OXNAD1: variants seen among roughly 807,000 people sequenced by gnomAD.
OXNAD1 encodes the protein oxidoreductase NAD-binding domain-containing protein 1.
Under a neutral mutation model 32.9 loss-of-function variants are expected in OXNAD1, and 34 were observed. The ratio of observed to expected loss-of-function variants is 1.03; its 90% CI spans 0.79 to 1.38. OXNAD1 has a LOEUF of 1.38. OXNAD1 is among the 40% of genes most tolerant of loss of function. The pLI, the probability that OXNAD1 is intolerant of heterozygous loss-of-function variation, is 0.00. For synonymous variants in OXNAD1, 134 were observed against 135.2 expected (o/e 0.99, Z 0.06); for missense variants, 407 against 379.4 (o/e 1.07, Z -0.60).
rs757392831 is a variant in OXNAD1 at position 16,327,778 on chromosome 3, C to T, written c.*31-9334C>T. ...TCCCATCTCAAAAAAAAAAACAAAA[C>T]GAAAAAAACTTCAGCCCCCTGCTAG... On this transcript the variant is annotated intron_variant, in intron 9 of 9. Coordinates refer to the OXNAD1 transcript ENST00000435829. The surrounding 1 kb of genome is among the most constrained non-coding windows in gnomAD (Gnocchi z 4.2). Among the ~76,000 whole-genome samples the T allele has an allele frequency of 3.3e-5, 5 of 151,398 alleles. No individual in the cohort carries two copies. In the South Asian group the frequency reaches 6.3e-4, roughly 19 times the overall value.
Position 16,316,538 on chromosome 3 carries a change from T to C in OXNAD1, c.*30+12946T>C. 2.2e-6 allele frequency: 1 copy of C among 454,686 alleles called. No individual in the cohort carries two copies. Among genetic ancestry groups the C allele is most frequent in the Non-Finnish European group, 4.0e-6 (1 of 250,322 alleles). 28.2% of individuals were successfully genotyped at this position (454,686 alleles called of 1,614,324 possible). On this transcript the variant is annotated intron_variant, in intron 9 of 9. Transcript: ENST00000435829. This position sits in a 1 kb window ranked among gnomAD's most constrained non-coding sequence, Gnocchi z 4.5. ...CACTGGATGGTCCAGACCCTCTGGC[T>C]GGAGGAGTGGTGGAGCCAGGACTGG...
chr3:16,319,252 G>A (rs1027712304), intron 9 of OXNAD1, among the ~76,000 whole-genome samples: 2 of 152,202 alleles, frequency 1.3e-5, no homozygotes, highest in African/African-American at 4.8e-5. Context: ...CCGAGAGGCA[G>A]TTGGCTCTCA....
At chr3:16,267,121 C>CT (rs999496879) in intron 1 of OXNAD1, among the ~76,000 whole-genome samples, 2 of 152,236 alleles carry the variant, frequency 1.3e-5, no homozygotes, top group African/African-American at 4.8e-5. Flanking sequence ...TGGCTTTTCT[C>CT]TGTCAGTGTC....
At chr3:16,341,340 A>G (rs764579467), downstream of OXNAD1, among the ~76,000 whole-genome samples, 17 of 152,252 alleles carry the variant, frequency 1.1e-4, no homozygotes, top group African/African-American at 2.2e-4. This position sits in a 1 kb window ranked among gnomAD's most constrained non-coding sequence, Gnocchi z 4.7. Flanking sequence ...TTGTCCACAC[A>G]GAAACCTACA....
downstream of OXNAD1, among the ~76,000 whole-genome samples, chr3:16,337,753 A>G (rs909334276): frequency 7.9e-5 from 12 of 151,922 alleles, no homozygotes; most frequent in East Asian, 1.9e-4. The surrounding 1 kb of genome is among the most constrained non-coding windows in gnomAD (Gnocchi z 5.0). Flanking sequence ...AAAAAAAAAA[A>G]AAAAGAAAAG....
Position 16,269,247 on chromosome 3 carries a change from T to G in OXNAD1, c.-37T>G. 6.5e-7 allele frequency: 1 copy of G among 1,535,532 alleles called. No homozygotes were observed. The highest frequency in any genetic ancestry group is 8.7e-7 in the Non-Finnish European group (1 of 1,146,806). ...GTCAATCAGCTGACCATATACTTAA[T>G]GACTCCTAAAATCTCGTGGACTTCT... On this transcript the variant is annotated 5_prime_UTR_variant, in exon 2 of 9. An upstream start codon of the reference 5' UTR is lost. Coordinates refer to ENST00000285083, the MANE Select transcript of OXNAD1 (RefSeq NM_138381.5).
At position 16,270,985 on chromosome 3, in the gene OXNAD1, G is replaced by A. The variant is rs1466170487; in HGVS notation, c.33G>A (p.Leu11=). The A allele has an allele frequency of 2.5e-6, 4 of 1,614,208 alleles. No individual in the cohort carries two copies. The highest frequency in any genetic ancestry group is 3.4e-6 in the Non-Finnish European group (4 of 1,180,020). The part of the protein sequence containing the change: MACAAVMIPG[L]LRCSVGAIRI... ...GTGCTGCTGTTATGATTCCTGGGTT[G>A]TTGCGGTGCTCTGTTGGAGCCATCC... The change falls in exon 3 of 9, where the codon TTG becomes TTA. Residue 11 remains leucine (L), a synonymous_variant. Transcript: ENST00000285083.
At position 16,287,793 on chromosome 3, in the gene OXNAD1, G is replaced by A. The variant is rs2066172834; in HGVS notation, c.290+1345G>A. The stretch of plus-strand genomic sequence containing the variant: ...GATAAGAAAATGTCCTCATTCCCTA[G>A]TGATATTTGTAGAAATAGAGTCCTA... On this transcript the variant is annotated intron_variant, in intron 5 of 8. Transcript: ENST00000285083. This position sits in a 1 kb window ranked among gnomAD's most constrained non-coding sequence, Gnocchi z 4.8. Among the ~76,000 whole-genome samples, 1 of 152,202 alleles carries A rather than the reference G, an allele frequency of 6.6e-6. No individual in the cohort carries two copies. The highest frequency in any genetic ancestry group is 2.4e-5 in the African/African-American group (1 of 41,454).
chr3:16,326,704 C>T, intron 9 of OXNAD1: 1 of 1,155,742 alleles, frequency 8.7e-7, no homozygotes, highest in Non-Finnish European at 1.3e-6. Flanking sequence ...ACGTGAGGTG[C>T]TCATTAGGAA....
Position 16,312,307 on chromosome 3 carries a change from G to C in OXNAD1, c.*30+8715G>C, listed in dbSNP as rs1247011634. On this transcript the variant is annotated intron_variant, in intron 9 of 9. Transcript: ENST00000435829. The surrounding 1 kb of genome is among the most constrained non-coding windows in gnomAD (Gnocchi z 4.7). The stretch of plus-strand genomic sequence containing the variant: ...CAGCCTCTCCTGGGAAGCTGCATCA[G>C]TGGTTTTGGCGGGTCATAGTGCAGG... Among the ~76,000 whole-genome samples, 3 of 152,202 alleles carry C rather than the reference G, an allele frequency of 2.0e-5. No homozygotes were observed. Among genetic ancestry groups the C allele is most frequent in the African/African-American group, 7.2e-5 (3 of 41,452 alleles).
Position 16,301,640 on chromosome 3 carries a change from T to C in OXNAD1, c.447T>C (p.Cys149=). Residue 149 remains cysteine (C), a synonymous_variant, in exon 7 of 9, where the codon TGT becomes TGC. Coordinates refer to ENST00000285083, the MANE Select transcript of OXNAD1 (RefSeq NM_138381.5). The surrounding 1 kb of genome is among the most constrained non-coding windows in gnomAD (Gnocchi z 4.1). Reference sequence around the variant, plus strand: ...TCCTGCCTTAGTGTACACTTGACTGTGAAGTGGCTGTGAGAGTGGGTGGAG... The same window carrying C: ...TCCTGCCTTAGTGTACACTTGACTGCGAAGTGGCTGTGAGAGTGGGTGGAG... The part of the protein sequence containing the change: ...LWVHNTCTLD[C]EVAVRVGGEF... The C allele has an allele frequency of 6.2e-7, 1 of 1,613,988 alleles. No homozygotes were observed.
rs1474918625 is a variant in OXNAD1, at chr3:16,277,167, T to A, written c.183+5445T>A. On this transcript the variant is annotated intron_variant, in intron 4 of 8. Transcript: ENST00000285083. The surrounding 1 kb of genome is among the most constrained non-coding windows in gnomAD (Gnocchi z 4.3). ...TTGTCTTGAACTCCTGACCTCATGA[T>A]CTGCCCTCCTCGGCCTCCCAAAGTG... Among the ~76,000 whole-genome samples, 2 of 152,042 alleles carry A rather than the reference T, an allele frequency of 1.3e-5. No individual in the cohort carries two copies. Among genetic ancestry groups the A allele is most frequent in the Non-Finnish European group, 2.9e-5 (2 of 67,992 alleles).
intron 9 of OXNAD1, among the ~76,000 whole-genome samples, chr3:16,343,915 T>C (rs2071474974): frequency 6.6e-6 from 1 of 152,140 alleles, no homozygotes; most frequent in Non-Finnish European, 1.5e-5. Flanking sequence ...CCCACAAAGC[T>C]GGTGGCATTA....
chr3:16,349,433 G>A (rs935393153), exon 10 of OXNAD1: 1 of 152,320 alleles, frequency 6.6e-6, no homozygotes, highest in African/African-American at 2.4e-5. Flanking sequence ...ACCCAAAAGA[G>A]GAGGAATGTT....
chr3:16,341,614 A>T, downstream of OXNAD1, among the ~76,000 whole-genome samples: 1 of 152,198 alleles, frequency 6.6e-6, no homozygotes, highest in East Asian at 1.9e-4. The surrounding 1 kb of genome is among the most constrained non-coding windows in gnomAD (Gnocchi z 4.7). Flanking sequence ...ACTCTAAAAT[A>T]TAAAGTTTAT....
At chr3:16,311,174 C>CT (rs1367326838) in intron 9 of OXNAD1, among the ~76,000 whole-genome samples, 1 of 138,938 alleles carries the variant, frequency 7.2e-6, no homozygotes, top group Non-Finnish European at 1.5e-5. Flanking sequence ...TTCTTTGGGT[C>CT]TTTTTTTAAA....
chr3:16,317,564 G>A lies in OXNAD1; in HGVS notation c.*30+13972G>A, dbSNP rs574668. On this transcript the variant is annotated intron_variant, in intron 9 of 9. Transcript: ENST00000435829. This position sits in a 1 kb window ranked among gnomAD's most constrained non-coding sequence, Gnocchi z 4.3. ...GTCCTATCATTTGGAGGGCCAGGAT[G>A]GAGAGGAGATGTGAGGCCTGCCCCC... Among the ~76,000 whole-genome samples the A allele has an allele frequency of 0.35, 52,488 of 152,090 alleles. 9,966 individuals are homozygous for A. The highest frequency in any genetic ancestry group is 0.42 in the Non-Finnish European group (28,385 of 67,966).
downstream of OXNAD1, among the ~76,000 whole-genome samples, chr3:16,340,153 G>C (rs1470518073): frequency 6.6e-6 from 1 of 152,176 alleles, no homozygotes; most frequent in Non-Finnish European, 1.5e-5. Flanking sequence ...CCATTGCCAC[G>C]CATTACAGAG....
At chr3:16,323,473 C>T (rs149141757) in intron 9 of OXNAD1, 1 of 1,602,366 alleles carries the variant, frequency 6.2e-7, no homozygotes, top group Admixed American at 1.7e-5. Flanking sequence ...ACACACGGAG[C>T]TGAGAATGAG....
Sources: allele counts gnomAD v4.1 joint callset (sites outside exome capture counted in the v4.1 genomes callset), GRCh38; gene constraint gnomAD v4.1.1; non-coding constraint Gnocchi (gnomAD v3.1); transcripts MANE v1.5; gene names NCBI Gene and HGNC (gene_info 2026-07-23, HGNC 2026-07-21).